Variants in CCDC102B observed in about 807,000 individuals in gnomAD.
CCDC102B encodes coiled-coil domain containing 102B.
Under a neutral mutation model 57.4 loss-of-function variants are expected in CCDC102B, and 75 were observed. The observed-to-expected ratio is 1.31, with a 90% CI of 1.08 to 1.58. The LOEUF is 1.58. Among genes scored for constraint, CCDC102B ranks in the 40% most tolerant of loss-of-function variants. The probability of loss-of-function intolerance (pLI) is 0.00; values close to 1 mark genes in which losing one functional copy is unlikely to be tolerated. For missense variants in CCDC102B, 636 were observed against 582.6 expected, an observed-to-expected ratio of 1.09 and a Z score of -0.94; for synonymous variants, 206 against 201.9, an observed-to-expected ratio of 1.02 and a Z score of -0.17.
At chr18:68,969,134 T>C (rs2050234560) in intron 6 of CCDC102B, among the ~76,000 whole-genome samples, 1 of 152,172 alleles carries the variant, frequency 6.6e-6, no homozygotes, top group African/African-American at 2.4e-5. Flanking sequence ...AGAGCATGCT[T>C]ATTTTCCTTA....
intron 6 of CCDC102B, among the ~76,000 whole-genome samples, chr18:68,963,557 G>A (rs189422632): frequency 2.8e-4 from 42 of 151,862 alleles, no homozygotes; most frequent in South Asian, 2.5e-3. Flanking sequence ...TCAAGACAAG[G>A]CCTTTTACAT....
chr18:68,801,483 C>G (rs2035850563), intron 1 of CCDC102B, among the ~76,000 whole-genome samples: 1 of 151,854 alleles, frequency 6.6e-6, no homozygotes, highest in Admixed American at 6.6e-5. Context: ...TGTTGTGTGT[C>G]ATAAATATAT....
intron 6 of CCDC102B, among the ~76,000 whole-genome samples, chr18:68,924,709 A>G (rs2041417200): frequency 6.6e-6 from 1 of 152,050 alleles, no homozygotes; most frequent in Non-Finnish European, 1.5e-5. Flanking sequence ...GGCCTGAACA[A>G]TTGTTCCCTG....
chr18:68,825,296 G>A lies in CCDC102B; in HGVS notation c.-15-11453G>A, dbSNP rs143180648. On this transcript the variant is annotated intron_variant, in intron 1 of 7. Transcript: ENST00000360242. ...TATTTGAATAGAAAGCTTTTCTCATGCTATTGTATTTGGCATTCAAAAAAT... is the reference window on the plus strand; with the variant it reads ...TATTTGAATAGAAAGCTTTTCTCATACTATTGTATTTGGCATTCAAAAAAT... Among the ~76,000 whole-genome samples, 1,161 of 152,278 alleles carry A rather than the reference G, an allele frequency of 7.6e-3. 5 individuals carry two copies. The highest frequency in any genetic ancestry group is 0.01 in the South Asian group (50 of 4,830).
At chr18:68,962,670 A>G (rs575568050) in intron 6 of CCDC102B, among the ~76,000 whole-genome samples, 56 of 152,178 alleles carry the variant, frequency 3.7e-4, no homozygotes, top group African/African-American at 1.3e-3. Flanking sequence ...ATAGAAAATC[A>G]TTATCTTCTA....
intron 7 of CCDC102B, among the ~76,000 whole-genome samples, chr18:69,042,284 G>T (rs1461944652): frequency 6.6e-6 from 1 of 152,064 alleles, no homozygotes; most frequent in Non-Finnish European, 1.5e-5. Flanking sequence ...ACTGGCAGAT[G>T]AAAAACTTTA....
chr18:68,720,440 T>C (rs2032261730), intron 2 of CCDC102B, among the ~76,000 whole-genome samples: 1 of 152,212 alleles, frequency 6.6e-6, no homozygotes, highest in South Asian at 2.1e-4. Context: ...AATATACATA[T>C]ATGACTAGGA....
At chr18:68,954,856 C>G (rs1226837380) in intron 6 of CCDC102B, among the ~76,000 whole-genome samples, 1 of 152,150 alleles carries the variant, frequency 6.6e-6, no homozygotes, top group African/African-American at 2.4e-5. Flanking sequence ...TGAATATTTG[C>G]AATTACTTAT....
chr18:68,863,263 G>A (rs2038837719), intron 4 of CCDC102B, among the ~76,000 whole-genome samples: 1 of 151,056 alleles, frequency 6.6e-6, no homozygotes, highest in Non-Finnish European at 1.5e-5. Context: ...TTATCCTGTA[G>A]AGTTTTAATT....
At chr18:68,931,474 G>C (rs2041670836) in intron 6 of CCDC102B, among the ~76,000 whole-genome samples, 1 of 151,574 alleles carries the variant, frequency 6.6e-6, no homozygotes, top group Admixed American at 6.6e-5. Context: ...ATATCATCTG[G>C]GGGTGAAGAT....
At position 69,004,695 on chromosome 18, in the gene CCDC102B, T is replaced by C. The variant is rs190388415; in HGVS notation, c.1264-6239T>C. Among the ~76,000 whole-genome samples, 12 of 152,316 alleles carry C rather than the reference T, an allele frequency of 7.9e-5. No homozygotes were observed. The East Asian group carries it at 2.1e-3, about 27-fold the overall frequency. ...TGTCACAATTGACAAATATCCTTGA[T>C]TGTTTTTTAATCTATGACCTCTACT... On this transcript the variant is annotated intron_variant, in intron 6 of 7. Coordinates refer to ENST00000360242, the MANE Select transcript of CCDC102B (RefSeq NM_024781.3).
At chr18:68,941,586 C>A (rs570186203) in intron 6 of CCDC102B, among the ~76,000 whole-genome samples, 1 of 152,138 alleles carries the variant, frequency 6.6e-6, no homozygotes, top group Non-Finnish European at 1.5e-5. Flanking sequence ...TGTAAATGAA[C>A]GTCAATGTGA....
At chr18:68,972,096 C>T (rs183974979) in intron 6 of CCDC102B, among the ~76,000 whole-genome samples, 1 of 152,138 alleles carries the variant, frequency 6.6e-6, no homozygotes, top group Non-Finnish European at 1.5e-5. Flanking sequence ...TAGGCTGGAA[C>T]ATAGACATTT....
chr18:68,738,470 T>G (rs1294919594), intron 2 of CCDC102B, among the ~76,000 whole-genome samples: 1 of 152,136 alleles, frequency 6.6e-6, no homozygotes, highest in Non-Finnish European at 1.5e-5. Context: ...CATTTCCAAA[T>G]AATGTCCAAT....
chr18:68,791,946 AT>A (rs1166005260), intron 2 of CCDC102B, among the ~76,000 whole-genome samples: 1 of 152,080 alleles, frequency 6.6e-6, no homozygotes, highest in Non-Finnish European at 1.5e-5. Flanking sequence ...GTCTGGTAAC[AT>A]TTTTGGTTTG....
At chr18:68,716,397 C>CAA (rs1177216530) in intron 1 of CCDC102B, 4 of 152,006 alleles carry the variant, frequency 2.6e-5, no homozygotes, top group Non-Finnish European at 5.9e-5. Context: ...CACATGTGGA[C>CAA]AACAACAAAA....
intron 6 of CCDC102B, among the ~76,000 whole-genome samples, chr18:68,957,143 C>T (rs539007205): frequency 1.9e-3 from 291 of 152,080 alleles, no homozygotes; most frequent in Non-Finnish European, 3.2e-3. Context: ...GATGTGATCT[C>T]ATTTCTTTAT....
intron 1 of CCDC102B, among the ~76,000 whole-genome samples, chr18:68,831,452 C>T (rs2037136591): frequency 6.6e-6 from 1 of 152,104 alleles, no homozygotes; most frequent in South Asian, 2.1e-4. Flanking sequence ...AATAACGACT[C>T]TTGGCAAACA....
Position 68,737,396 on chromosome 18 carries a change from G to A in CCDC102B, c.-67+20802G>A, listed in dbSNP as rs554731963. ...GGTCCCAACACTCTCTCATACCCAA[G>A]ATCTCCCTTCTCCACCAGCGTTATA... On this transcript the variant is annotated intron_variant, in intron 2 of 3. Coordinates refer to the CCDC102B transcript ENST00000578970. Among the ~76,000 whole-genome samples the A allele has an allele frequency of 2.6e-5, 4 of 152,002 alleles. No individual in the cohort carries two copies. In the South Asian group the frequency reaches 8.3e-4, roughly 32 times the overall value.
Sources: allele counts gnomAD v4.1 joint callset (sites outside exome capture counted in the v4.1 genomes callset), GRCh38; gene constraint gnomAD v4.1.1; transcripts MANE v1.5; gene names NCBI Gene and HGNC (gene_info 2026-07-23, HGNC 2026-07-21).